The following MACROD2 variants were observed in gnomAD, a reference collection of about 807,000 sequenced individuals.
MACROD2 encodes ADP-ribose glycohydrolase MACROD2.
Under a neutral mutation model 70.4 loss-of-function variants are expected in MACROD2, and 36 were observed. The observed-to-expected ratio is 0.51, with a 90% CI of 0.39 to 0.68. The LOEUF (loss-of-function observed/expected upper bound fraction) is 0.68. Among genes scored for constraint, MACROD2 ranks in the 30% least tolerant of loss-of-function variants. MACROD2 has a pLI of 0.00. For missense variants in MACROD2, 496 were observed against 538.4 expected, an observed-to-expected ratio of 0.92 and a Z score of 0.78; for synonymous variants, 172 against 178.8, an observed-to-expected ratio of 0.96 and a Z score of 0.30.
At chr20:14,703,721 T>A (rs2071234413) in intron 5 of MACROD2, among the ~76,000 whole-genome samples, 3 of 152,134 alleles carry the variant, frequency 2.0e-5, no homozygotes, top group African/African-American at 7.2e-5. Flanking sequence ...TTTATTTTGT[T>A]TTAATTTAAT....
At chr20:14,585,191 G>C (rs1053932133) in intron 4 of MACROD2, among the ~76,000 whole-genome samples, 1 of 152,176 alleles carries the variant, frequency 6.6e-6, no homozygotes, top group Admixed American at 6.5e-5. Context: ...TACATAGGCG[G>C]AACAGCGTAA....
intron 4 of MACROD2, among the ~76,000 whole-genome samples, chr20:14,579,796 A>C (rs1980886430): frequency 6.6e-6 from 1 of 152,242 alleles, no homozygotes; most frequent in Non-Finnish European, 1.5e-5. Flanking sequence ...GATGAGAATT[A>C]ATACACTCAA....
At chr20:15,667,825 C>T (rs144688891) in intron 8 of MACROD2, among the ~76,000 whole-genome samples, 1 of 152,024 alleles carries the variant, frequency 6.6e-6, no homozygotes, top group Non-Finnish European at 1.5e-5. Context: ...TGGTAAAGTA[C>T]TATATTTTGA....
At chr20:15,822,933 C>T (rs1388197562) in intron 8 of MACROD2, among the ~76,000 whole-genome samples, 1 of 152,150 alleles carries the variant, frequency 6.6e-6, no homozygotes, top group Non-Finnish European at 1.5e-5. Flanking sequence ...GTAAATGAGA[C>T]TCTGCTGATG....
At chr20:14,962,435 CATATATATAGTATTTAT>C (rs1347740285) in intron 5 of MACROD2, among the ~76,000 whole-genome samples, 7 of 149,930 alleles carry the variant, frequency 4.7e-5, no homozygotes, top group African/African-American at 1.5e-4. Context: ...AGTACACACA[CATATATATAGTATTTAT>C]ATATATATAT....
At chr20:14,792,854 C>T (rs1208345560) in intron 5 of MACROD2, among the ~76,000 whole-genome samples, 1 of 152,054 alleles carries the variant, frequency 6.6e-6, no homozygotes, top group African/African-American at 2.4e-5. Flanking sequence ...ATTGTATCCA[C>T]CAAGCTCTGC....
intron 8 of MACROD2, among the ~76,000 whole-genome samples, chr20:15,775,201 C>T (rs920655643): frequency 5.3e-5 from 8 of 152,078 alleles, no homozygotes; most frequent in African/African-American, 7.2e-5. Context: ...ACAGATCCAG[C>T]GGAGCTTTAT....
At chr20:14,595,274 GGGGT>G (rs1982050556) in intron 4 of MACROD2, among the ~76,000 whole-genome samples, 1 of 152,096 alleles carries the variant, frequency 6.6e-6, no homozygotes. Context: ...TGAGCACGGT[GGGGT>G]TTATTGGACG....
chr20:14,609,375 G>C (rs994959980), intron 4 of MACROD2, among the ~76,000 whole-genome samples: 14 of 152,120 alleles, frequency 9.2e-5, no homozygotes, highest in African/African-American at 3.1e-4. Flanking sequence ...GAACAAATGG[G>C]AAGGTTATGC....
At chr20:14,499,960 A>G (rs2084898185) in intron 4 of MACROD2, among the ~76,000 whole-genome samples, 3 of 152,200 alleles carry the variant, frequency 2.0e-5, no homozygotes, top group Non-Finnish European at 4.4e-5. Context: ...TAAGAACTAA[A>G]TAGGTTCTTC....
At chr20:15,005,606 T>C (rs2075029386) in intron 5 of MACROD2, among the ~76,000 whole-genome samples, 1 of 152,174 alleles carries the variant, frequency 6.6e-6, no homozygotes, top group Admixed American at 6.5e-5. Flanking sequence ...CTCATCTCCT[T>C]TATCCCCCAC....
chr20:14,080,239 C>G (rs2053971522), intron 2 of MACROD2, among the ~76,000 whole-genome samples: 1 of 151,840 alleles, frequency 6.6e-6, no homozygotes, highest in Non-Finnish European at 1.5e-5. Flanking sequence ...GTCAGAAGAT[C>G]AAGACCATCC....
intron 3 of MACROD2, among the ~76,000 whole-genome samples, chr20:14,481,887 A>G (rs368874694): frequency 9.2e-5 from 14 of 152,308 alleles, no homozygotes; most frequent in African/African-American, 3.4e-4. Context: ...ACATTGCCTG[A>G]TACATAATAG....
rs371663446 is a variant in MACROD2 at position 15,209,167 on chromosome 20, G to A, written c.419-20773G>A. Among the ~76,000 whole-genome samples, 22 of 148,618 alleles carry A rather than the reference G, an allele frequency of 1.5e-4. No homozygotes were observed. The East Asian group carries it at 4.3e-3, about 29-fold the overall frequency. On this transcript the variant is annotated intron_variant, in intron 5 of 17. Coordinates refer to ENST00000684519, the MANE Select transcript of MACROD2 (RefSeq NM_001351661.2). ...TTTATTTTTTAGTCTGCTCTTGTTA[G>A]CATTTCTGGGTTGCTGGCTTCTTTG...
At chr20:14,545,762 A>G (rs1167270412) in intron 4 of MACROD2, among the ~76,000 whole-genome samples, 1 of 152,176 alleles carries the variant, frequency 6.6e-6, no homozygotes, top group Non-Finnish European at 1.5e-5. Context: ...AAGGTACCTC[A>G]TTTAGAATTG....
chr20:14,604,919 T>C (rs147627462), intron 4 of MACROD2, among the ~76,000 whole-genome samples: 13 of 152,316 alleles, frequency 8.5e-5, no homozygotes, highest in African/African-American at 3.1e-4. Flanking sequence ...GAAAGGCTGG[T>C]ACAATTTTAA....
chr20:15,556,673 T>C (rs1486721167), intron 8 of MACROD2, among the ~76,000 whole-genome samples: 1 of 152,212 alleles, frequency 6.6e-6, no homozygotes, highest in Admixed American at 6.5e-5. Flanking sequence ...TTGGGAGATA[T>C]TACCAAAAAG....
chr20:15,511,299 T>C (rs57977866), intron 8 of MACROD2, among the ~76,000 whole-genome samples: 3,327 of 152,338 alleles, frequency 0.022, 121 homozygotes, highest in African/African-American at 0.075. Flanking sequence ...ATATGAATTC[T>C]CTTTTCTTCC....
rs116507729 is a variant in MACROD2 at position 14,515,584 on chromosome 20, C to T, written c.301+22076C>T. ...GGACCTGGAACATTATGACATTATG[C>T]TAAATGAAATAAGCCAGGCACAGAA... is the stretch of plus-strand genomic sequence containing the variant. On this transcript the variant is annotated intron_variant, in intron 4 of 17. Coordinates refer to ENST00000684519, the MANE Select transcript of MACROD2 (RefSeq NM_001351661.2). Among the ~76,000 whole-genome samples the T allele has an allele frequency of 5.0e-3, 766 of 151,706 alleles. 9 individuals are homozygous for T. The highest frequency in any genetic ancestry group is 0.018 in the African/African-American group (730 of 41,384).
Sources: gnomAD v4.1 joint callset for allele counts (sites outside exome capture counted in the v4.1 genomes callset) on GRCh38, gnomAD v4.1.1 for gene constraint, MANE v1.5 for transcripts, NCBI Gene and HGNC (gene_info 2026-07-23, HGNC 2026-07-21) for gene names.